MAP3K1: variants seen among roughly 807,000 people sequenced by gnomAD.
MAP3K1 encodes mitogen-activated protein kinase kinase kinase 1.
A neutral mutation model predicts 144.2 loss-of-function variants in MAP3K1; 36 were observed. The observed-to-expected ratio is 0.25, with a 90% CI of 0.19 to 0.33. The LOEUF (loss-of-function observed/expected upper bound fraction) is 0.33, where lower values mean the gene tolerates loss of function less well. Ranked by LOEUF, MAP3K1 falls within the 10% of genes least tolerant of loss-of-function variation. MAP3K1 has a pLI of 1.00. For missense variants in MAP3K1, 1,650 were observed against 1,881.9 expected (o/e 0.88, Z 2.28); for synonymous variants, 718 against 688.7 (o/e 1.04, Z -0.67).
At chr5:56,885,806 G>GA in intron 16 of MAP3K1, 126 bp from the exon 17 acceptor site, 5 of 772,174 alleles carry the variant, frequency 6.5e-6, no homozygotes, top group Non-Finnish European at 1.1e-5. Context: ...TGTTAGTTTT[G>GA]AAATGTTTTT....
At chr5:56,852,282 T>C (rs1579745288) in intron 1 of MAP3K1, among the ~76,000 whole-genome samples, 2 of 152,166 alleles carry the variant, frequency 1.3e-5, no homozygotes, top group Admixed American at 6.5e-5. Context: ...AGGAGAGACC[T>C]ACAAGAGAGT....
intron 1 of MAP3K1, among the ~76,000 whole-genome samples, chr5:56,847,512 C>T (rs913392974): frequency 2.6e-5 from 4 of 152,162 alleles, no homozygotes; most frequent in Admixed American, 2.0e-4. Flanking sequence ...TGCAGAATTG[C>T]TTGAACCTGG....
chr5:56,817,022 T>C (rs1005092988), intron 1 of MAP3K1: 1 of 982,928 alleles, frequency 1.0e-6, no homozygotes, highest in Non-Finnish European at 1.2e-6. Flanking sequence ...CTCGGTGCCC[T>C]GGCGCGGGCC....
intron 1 of MAP3K1, among the ~76,000 whole-genome samples, chr5:56,850,680 T>G (rs2111844042): frequency 6.6e-6 from 1 of 152,246 alleles, no homozygotes; most frequent in East Asian, 1.9e-4. Context: ...TGCCACTCAC[T>G]TACAAACTGT....
At chr5:56,872,165 C>A in intron 7 of MAP3K1, 134 bp downstream of exon 7, 1 of 1,175,370 alleles carries the variant, frequency 8.5e-7, no homozygotes, top group Non-Finnish European at 1.2e-6. Flanking sequence ...GTCCTAAGTC[C>A]TATGTGAAAA....
rs1475587733 is a variant in MAP3K1, at chr5:56,882,531, ACAGTGTTCACCC to A, written c.3336_3347del (p.Phe1113_Val1116del). On this transcript the variant is annotated inframe_deletion, in exon 14 of 20. Coordinates refer to ENST00000399503, the MANE Select transcript of MAP3K1 (RefSeq NM_005921.2). ...TAATGCTGTTATACCCAGTGACGAGACAGTGTTCACCCCAGTAGAGGAGAAATGCAGATTAGA... is the reference window on the plus strand; with the variant it reads ...TAATGCTGTTATACCCAGTGACGAGACAGTAGAGGAGAAATGCAGATTAGA... 6.2e-7 allele frequency: 1 copy of A among 1,614,122 alleles called. No homozygotes were observed. The highest frequency in any genetic ancestry group is 1.7e-5 in the Admixed American group (1 of 60,000).
intron 1 of MAP3K1, among the ~76,000 whole-genome samples, chr5:56,830,311 A>T (rs929114238): frequency 8.5e-5 from 13 of 152,228 alleles, no homozygotes; most frequent in African/African-American, 3.1e-4. Flanking sequence ...ATCTGAGTAG[A>T]AGATACTGTT....
In MAP3K1 at chr5:56,815,599, C is replaced by T; in HGVS notation, c.26C>T (p.Ala9Val). 3 of 1,304,090 alleles carry T rather than the reference C, an allele frequency of 2.3e-6. No individual in the cohort carries two copies. The highest frequency in any genetic ancestry group is 1.5e-5 in the African/African-American group (1 of 64,710). The allele number at this position is 1,304,090 out of a possible 1,614,324, so 80.8% of individuals were successfully genotyped here. A position where few individuals can be genotyped will look rare whatever the true frequency, so the allele number is the denominator to read the frequency against. MAAAAGNR[A>V]SSSGFPGARA... Reference sequence around the variant, plus strand: ...ATGGCGGCGGCGGCGGGGAATCGCGCCTCGTCGTCGGGATTCCCGGGCGCC... The same window carrying T: ...ATGGCGGCGGCGGCGGGGAATCGCGTCTCGTCGTCGGGATTCCCGGGCGCC... Residue 9 changes from alanine to valine, a missense_variant, in exon 1 of 20, where the codon GCC becomes GTC. Coordinates refer to ENST00000399503, the MANE Select transcript of MAP3K1 (RefSeq NM_005921.2).
At position 56,895,131 on chromosome 5, in the gene MAP3K1, C is replaced by T. The variant is rs1748665997; in HGVS notation, c.*1451C>T. ...AACTAAATAAGCTATATATAGAGTACATTTAAAATGTACAACACAAATTGG... is the reference window on the plus strand; with the variant it reads ...AACTAAATAAGCTATATATAGAGTATATTTAAAATGTACAACACAAATTGG... On this transcript the variant is annotated 3_prime_UTR_variant, in exon 20 of 20. Transcript: ENST00000399503. 4.3e-6 allele frequency: 1 copy of T among 231,250 alleles called. No homozygotes were observed. Among genetic ancestry groups the T allele is most frequent in the African/African-American group, 2.2e-5 (1 of 45,356 alleles). The allele number at this position is 231,250 out of a possible 1,614,324, so 14.3% of individuals were successfully genotyped here. A position where few individuals can be genotyped will look rare whatever the true frequency, so the allele number is the denominator to read the frequency against.
At chr5:56,844,694 T>C (rs1746937309) in intron 1 of MAP3K1, among the ~76,000 whole-genome samples, 1 of 152,204 alleles carries the variant, frequency 6.6e-6, no homozygotes. Flanking sequence ...AGAGTTGACA[T>C]TGTGTTTTCT....
chr5:56,885,785 A>G (rs1250855083), intron 16 of MAP3K1, 147 bp from the exon 17 acceptor site: 1 of 674,716 alleles, frequency 1.5e-6, no homozygotes, highest in East Asian at 2.8e-5. Flanking sequence ...TTTTGAGATG[A>G]TACAGGAATA....
chr5:56,880,907 G>A (rs1748185187), intron 12 of MAP3K1, 105 bp downstream of exon 12: 1 of 1,100,350 alleles, frequency 9.1e-7, no homozygotes, highest in African/African-American at 1.6e-5. Flanking sequence ...GGATTTTGAA[G>A]TAATTTTATA....
intron 1 of MAP3K1, among the ~76,000 whole-genome samples, chr5:56,831,180 T>C (rs994901912): frequency 5.3e-5 from 6 of 112,924 alleles, no homozygotes; most frequent in African/African-American, 1.9e-4. Flanking sequence ...GGATAAAATG[T>C]TGGGTTTTTT....
intron 1 of MAP3K1, among the ~76,000 whole-genome samples, chr5:56,841,806 G>A (rs551988708): frequency 1.3e-5 from 2 of 152,206 alleles, no homozygotes; most frequent in African/African-American, 4.8e-5. Flanking sequence ...TTAAGAGCAT[G>A]TCATGGCTAA....
rs1748647256 is a variant in MAP3K1, at chr5:56,894,527, G to A, written c.*847G>A. On this transcript the variant is annotated 3_prime_UTR_variant, in exon 20 of 20. Transcript: ENST00000399503. ...TCACCACTCTTATTGTGCAGGTTAAGTACAAGTTAACTAAAAATAAACTGT... is the reference window on the plus strand; with the variant it reads ...TCACCACTCTTATTGTGCAGGTTAAATACAAGTTAACTAAAAATAAACTGT... The A allele has an allele frequency of 4.3e-6, 1 of 232,472 alleles. No homozygotes were observed. Among genetic ancestry groups the A allele is most frequent in the African/African-American group, 2.2e-5 (1 of 45,290 alleles). 14.4% of individuals were successfully genotyped at this position (232,472 alleles called of 1,614,324 possible).
intron 19 of MAP3K1, among the ~76,000 whole-genome samples, chr5:56,892,073 G>C (rs1449308149): frequency 7.2e-5 from 11 of 152,222 alleles, no homozygotes. Flanking sequence ...TGTGAAGAAA[G>C]TCATTGGTAG....
chr5:56,878,301 G>C (rs748322904), intron 10 of MAP3K1, among the ~76,000 whole-genome samples: 3 of 152,152 alleles, frequency 2.0e-5, no homozygotes, highest in East Asian at 3.9e-4. Context: ...GGAGTCTGTC[G>C]GGGGTCGGGA....
At chr5:56,886,733 T>A (rs550363551) in intron 17 of MAP3K1, among the ~76,000 whole-genome samples, 9 of 152,282 alleles carry the variant, frequency 5.9e-5, no homozygotes, top group Non-Finnish European at 7.4e-5. Context: ...GAAAAATTCC[T>A]TCAAATCCTT....
At chr5:56,891,718 G>C (rs184848449) in intron 19 of MAP3K1, among the ~76,000 whole-genome samples, 1 of 152,288 alleles carries the variant, frequency 6.6e-6, no homozygotes, top group East Asian at 1.9e-4. Context: ...TTTATAAGGT[G>C]TAAGGAAGGG....
Sources: allele counts gnomAD v4.1 joint callset (sites outside exome capture counted in the v4.1 genomes callset), GRCh38; gene constraint gnomAD v4.1.1; transcripts MANE v1.5; gene names NCBI Gene and HGNC (gene_info 2026-07-23, HGNC 2026-07-21).